The following TULP4 variants were observed in gnomAD, a reference collection of about 807,000 sequenced individuals.
TULP4 encodes TUB like protein 4.
A neutral mutation model predicts 129.0 loss-of-function variants in TULP4; 16 were observed. The ratio of observed to expected loss-of-function variants is 0.12; its 90% CI spans 0.08 to 0.19. TULP4 has a LOEUF of 0.19. Among genes scored for constraint, TULP4 ranks in the 10% least tolerant of loss-of-function variants. TULP4 has a pLI of 1.00. For missense variants in TULP4, 1,842 were observed against 2,059.1 expected (o/e 0.89, Z 2.04); for synonymous variants, 998 against 854.0 (o/e 1.17, Z -2.94).
chr6:158,438,472 C>T (rs1562566029), intron 3 of TULP4, among the ~76,000 whole-genome samples: 1 of 152,180 alleles, frequency 6.6e-6, no homozygotes, highest in East Asian at 1.9e-4. Context: ...CTGCTGAGGG[C>T]TTCCTTTGTC....
chr6:158,296,043 T>TA, intron 1 of TULP4, among the ~76,000 whole-genome samples: 1 of 152,386 alleles, frequency 6.6e-6, no homozygotes, highest in African/African-American at 2.4e-5. Context: ...GTATTCTCTA[T>TA]TAACTGATAA....
intron 1 of TULP4, among the ~76,000 whole-genome samples, chr6:158,302,756 A>T (rs918714723): frequency 6.6e-6 from 1 of 152,016 alleles, no homozygotes; most frequent in East Asian, 1.9e-4. Context: ...AACAAACCCC[A>T]TGTTTTCCAT....
rs9457368 is a variant in TULP4 at position 158,385,690 on chromosome 6, T to C, written c.253-27375T>C. ...ATATACATGTTTTATATACATATAA[T>C]TTATTACAGTGTGTGGTATGTAAGT... is the stretch of plus-strand genomic sequence containing the variant. On this transcript the variant is annotated intron_variant, in intron 1 of 13. Transcript: ENST00000367097. 5.5e-3 allele frequency among the ~76,000 whole-genome samples: 816 copies of C among 148,124 alleles called. 11 individuals are homozygous for C. The highest frequency in any genetic ancestry group is 0.019 in the African/African-American group (786 of 40,564).
At chr6:158,314,466 G>C (rs1019067019) in intron 1 of TULP4, among the ~76,000 whole-genome samples, 198 bp downstream of exon 1, 1 of 152,216 alleles carries the variant, frequency 6.6e-6, no homozygotes, top group Non-Finnish European at 1.5e-5. Flanking sequence ...CGCCTCCCCA[G>C]GTGGGTCAGT....
intron 1 of TULP4, among the ~76,000 whole-genome samples, chr6:158,384,643 C>G (rs1446750827): frequency 6.6e-6 from 1 of 152,072 alleles, no homozygotes; most frequent in Admixed American, 6.6e-5. Context: ...TTTCCTGAGG[C>G]CAAGTATTTG....
intron 1 of TULP4, among the ~76,000 whole-genome samples, chr6:158,267,619 G>T (rs1460025382): frequency 6.6e-6 from 1 of 152,104 alleles, no homozygotes; most frequent in African/African-American, 2.4e-5. Context: ...TAATTAGGAG[G>T]GTCACTGCTT....
chr6:158,297,916 C>T (rs912707403), intron 1 of TULP4, among the ~76,000 whole-genome samples: 4 of 152,062 alleles, frequency 2.6e-5, no homozygotes, highest in African/African-American at 7.2e-5. Context: ...TGTAGGAGAC[C>T]AGGGCGTATC....
intron 3 of TULP4, among the ~76,000 whole-genome samples, chr6:158,442,815 G>GTT (rs71742442): frequency 6.9e-6 from 1 of 145,536 alleles, no homozygotes. Flanking sequence ...TAAATGGTTG[G>GTT]TTTTTTTTTT....
At chr6:158,444,052 T>A (rs1299177314) in intron 3 of TULP4, among the ~76,000 whole-genome samples, 4 of 150,556 alleles carry the variant, frequency 2.7e-5, no homozygotes, top group Non-Finnish European at 5.9e-5. Flanking sequence ...ACCCCGTCTC[T>A]ACTAAAAAAT....
intron 1 of TULP4, among the ~76,000 whole-genome samples, chr6:158,384,426 T>A (rs1476832990): frequency 6.6e-6 from 1 of 151,996 alleles, no homozygotes; most frequent in Non-Finnish European, 1.5e-5. Flanking sequence ...TAGCTGGGAC[T>A]ACAGGCACCC....
intron 1 of TULP4, among the ~76,000 whole-genome samples, chr6:158,304,760 G>A (rs528401197): frequency 6.6e-6 from 1 of 151,422 alleles, no homozygotes; most frequent in African/African-American, 2.4e-5. Flanking sequence ...TTGAGTTCCC[G>A]GGCTCAAGCA....
At chr6:158,406,065 C>T (rs1777972064) in intron 1 of TULP4, among the ~76,000 whole-genome samples, 1 of 152,154 alleles carries the variant, frequency 6.6e-6, no homozygotes, top group African/African-American at 2.4e-5. Flanking sequence ...TCTTTGTGTC[C>T]TCCCTGAATG....
chr6:158,503,892 C>T lies in TULP4; in HGVS notation c.4229C>T (p.Pro1410Leu), dbSNP rs1256127212. ...NEFQDSSESE[P>L]ELFISGDELM... ...TTCCAGGACAGCTCCGAGAGCGAGCCTGAGCTGTTCATCAGCGGGGATGAG... is the reference window on the plus strand; with the variant it reads ...TTCCAGGACAGCTCCGAGAGCGAGCTTGAGCTGTTCATCAGCGGGGATGAG... The change falls in exon 13 of 14, where the codon CCT (proline) becomes CTT (leucine). Residue 1410 changes from proline to leucine, a missense_variant. By Grantham distance (98) the Pro-to-Leu change is moderately conservative (BLOSUM62 -3). Around this residue, in one of 5 missense-constraint regions of TULP4, gnomAD observed 1,089 missense variants for 987.1 expected, o/e 1.10. Coordinates refer to ENST00000367097, the MANE Select transcript of TULP4 (RefSeq NM_020245.5). This position sits in a 1 kb window ranked among gnomAD's most constrained non-coding sequence, Gnocchi z 4.3. 2 of 1,613,982 alleles carry T rather than the reference C, an allele frequency of 1.2e-6. No individual in the cohort carries two copies. Among genetic ancestry groups the T allele is most frequent in the African/African-American group, 2.7e-5 (2 of 74,924 alleles).
intron 1 of TULP4, among the ~76,000 whole-genome samples, chr6:158,260,488 G>T (rs1464284784): frequency 1.3e-5 from 2 of 151,602 alleles, no homozygotes; most frequent in Non-Finnish European, 2.9e-5. Flanking sequence ...AGGCAGGAGA[G>T]TGGCATGAAC....
At chr6:158,451,402 C>G (rs1023218371) in intron 4 of TULP4, among the ~76,000 whole-genome samples, 1 of 152,204 alleles carries the variant, frequency 6.6e-6, no homozygotes, top group African/African-American at 2.4e-5. Context: ...AAGATGAGCC[C>G]AGTGTGGCTG....
intron 1 of TULP4, among the ~76,000 whole-genome samples, chr6:158,378,484 T>TTTTTTTTTTTA (rs1232571783): frequency 7.7e-6 from 1 of 129,212 alleles, no homozygotes; most frequent in Admixed American, 7.9e-5. Flanking sequence ...TTTTTTTTTT[T>TTTTTTTTTTTA]TGGTGGGGGT....
chr6:158,314,360 A>T, intron 1 of TULP4, 92 bp downstream of exon 1: 1 of 1,462,018 alleles, frequency 6.8e-7, no homozygotes, highest in Non-Finnish European at 9.3e-7. Flanking sequence ...TCAGTTTCAT[A>T]GACTTGCTGC....
intron 1 of TULP4, among the ~76,000 whole-genome samples, chr6:158,235,979 T>C (rs964105622): frequency 6.6e-6 from 1 of 152,250 alleles, no homozygotes; most frequent in Non-Finnish European, 1.5e-5. Context: ...TGCTGGGTCC[T>C]ATCACTTCCC....
chr6:158,393,573 G>A (rs1212823786), intron 1 of TULP4, among the ~76,000 whole-genome samples: 2 of 152,194 alleles, frequency 1.3e-5, no homozygotes, highest in African/African-American at 4.8e-5. Flanking sequence ...ATTGCCTTCT[G>A]TGCACCCATA....
Sources: allele counts gnomAD v4.1 joint callset (sites outside exome capture counted in the v4.1 genomes callset), GRCh38; gene constraint gnomAD v4.1.1; regional missense constraint gnomAD v4.1.1; non-coding constraint Gnocchi (gnomAD v3.1); transcripts MANE v1.5; gene names NCBI Gene and HGNC (gene_info 2026-07-23, HGNC 2026-07-21).